Variants in PTPRD observed in about 807,000 individuals in gnomAD.
PTPRD encodes the protein protein tyrosine phosphatase receptor type D.
A neutral mutation model predicts 214.5 loss-of-function variants in PTPRD; 34 were observed. That is an observed-to-expected ratio of 0.16 (90% CI 0.12 to 0.21). The LOEUF is 0.21. PTPRD is among the 10% of genes least tolerant of loss of function. PTPRD has a pLI of 1.00. For synonymous variants in PTPRD, 1,128 were observed against 845.7 expected (o/e 1.33, Z -5.79); for missense variants, 2,545 against 2,398.7 (o/e 1.06, Z -1.27).
intron 3 of PTPRD, among the ~76,000 whole-genome samples, chr9:10,062,225 T>C (rs764415382): frequency 1.3e-5 from 2 of 152,080 alleles, no homozygotes; most frequent in African/African-American, 2.4e-5. Flanking sequence ...TTACATAAGA[T>C]GTAAGACTTT....
intron 4 of PTPRD, among the ~76,000 whole-genome samples, chr9:9,966,662 G>C (rs2094724235): frequency 6.6e-6 from 1 of 152,138 alleles, no homozygotes; most frequent in African/African-American, 2.4e-5. Context: ...CATGAATGGG[G>C]AGAAGTGGAT....
At chr9:8,582,791 A>G (rs1411630934) in intron 14 of PTPRD, among the ~76,000 whole-genome samples, 1 of 152,222 alleles carries the variant, frequency 6.6e-6, no homozygotes, top group East Asian at 1.9e-4. Flanking sequence ...GTAGAAATAT[A>G]AACTGGGACA....
At chr9:10,032,006 T>A (rs1298166983) in intron 4 of PTPRD, among the ~76,000 whole-genome samples, 1 of 152,136 alleles carries the variant, frequency 6.6e-6, no homozygotes, top group Non-Finnish European at 1.5e-5. Context: ...TAGTCTGGAA[T>A]GTCTTGAATT....
intron 2 of PTPRD, among the ~76,000 whole-genome samples, chr9:10,372,812 G>C (rs1294685530): frequency 6.9e-6 from 1 of 145,398 alleles, no homozygotes; most frequent in East Asian, 2.0e-4. Flanking sequence ...AGAACCAAAA[G>C]TATGCAAAAT....
At chr9:10,327,843 T>C (rs1391308291) in intron 3 of PTPRD, among the ~76,000 whole-genome samples, 1 of 151,756 alleles carries the variant, frequency 6.6e-6, no homozygotes, top group Admixed American at 6.6e-5. Context: ...GTCAGGGCTG[T>C]CTGGTAGTTC....
At chr9:9,627,757 A>G (rs1422270351) in intron 7 of PTPRD, among the ~76,000 whole-genome samples, 1 of 152,210 alleles carries the variant, frequency 6.6e-6, no homozygotes, top group African/African-American at 2.4e-5. Context: ...GTTCTTCCCC[A>G]ATAGTTCTGA....
intron 2 of PTPRD, among the ~76,000 whole-genome samples, chr9:10,498,139 C>T (rs1045637063): frequency 6.6e-6 from 1 of 151,862 alleles, no homozygotes; most frequent in Non-Finnish European, 1.5e-5. Context: ...TGGTTGAACT[C>T]CCTTTAGGAT....
chr9:8,834,863 A>G (rs2097379062), intron 11 of PTPRD, among the ~76,000 whole-genome samples: 1 of 152,232 alleles, frequency 6.6e-6, no homozygotes, highest in African/African-American at 2.4e-5. Flanking sequence ...TCCTATATAC[A>G]GTCAGAGCAG....
chr9:10,476,457 A>G (rs1303886799), intron 2 of PTPRD, among the ~76,000 whole-genome samples: 1 of 152,178 alleles, frequency 6.6e-6, no homozygotes, highest in Non-Finnish European at 1.5e-5. Context: ...TTCAAGGAGA[A>G]CTACAATCCA....
intron 10 of PTPRD, among the ~76,000 whole-genome samples, chr9:9,089,482 GT>G (rs2099772351): frequency 1.3e-5 from 2 of 152,116 alleles, no homozygotes; most frequent in African/African-American, 4.8e-5. Context: ...TCTGACCAAA[GT>G]TTTTCATTCA....
At chr9:10,569,226 A>T (rs1055735074) in intron 2 of PTPRD, among the ~76,000 whole-genome samples, 2 of 152,170 alleles carry the variant, frequency 1.3e-5, no homozygotes, top group African/African-American at 4.8e-5. Flanking sequence ...GTGAGATACC[A>T]TTTCACACCA....
intron 34 of PTPRD, among the ~76,000 whole-genome samples, chr9:8,446,680 A>G (rs2095741573): frequency 6.6e-6 from 1 of 152,212 alleles, no homozygotes; most frequent in African/African-American, 2.4e-5. Context: ...GGGATAAGCA[A>G]TTATACATTC....
At chr9:9,416,039 G>A (rs778868714) in intron 8 of PTPRD, among the ~76,000 whole-genome samples, 2 of 152,104 alleles carry the variant, frequency 1.3e-5, no homozygotes, top group Admixed American at 6.6e-5. Flanking sequence ...GTGCATTCTC[G>A]TCTCCTGCTT....
intron 12 of PTPRD, among the ~76,000 whole-genome samples, chr9:8,690,611 G>C (rs1029074139): frequency 7.2e-5 from 11 of 151,800 alleles, no homozygotes; most frequent in African/African-American, 2.4e-4. Context: ...AACACAATAT[G>C]TTTCTCATAA....
At chr9:8,581,560 A>G (rs187157750) in intron 14 of PTPRD, among the ~76,000 whole-genome samples, 4 of 150,044 alleles carry the variant, frequency 2.7e-5, no homozygotes, top group African/African-American at 9.8e-5. Flanking sequence ...CATTCTGGCT[A>G]ACACAGTGAA....
At chr9:9,897,530 A>T (rs1475363453) in intron 5 of PTPRD, among the ~76,000 whole-genome samples, 3 of 152,044 alleles carry the variant, frequency 2.0e-5, no homozygotes, top group Non-Finnish European at 4.4e-5. Flanking sequence ...GACTATATCT[A>T]TGTTAAAATA....
At chr9:10,185,618 G>T (rs541359621) in intron 3 of PTPRD, among the ~76,000 whole-genome samples, 1 of 152,142 alleles carries the variant, frequency 6.6e-6, no homozygotes, top group South Asian at 2.1e-4. Context: ...GCAAGACAAC[G>T]GTTAGAACAC....
intron 8 of PTPRD, among the ~76,000 whole-genome samples, chr9:9,445,539 A>G (rs907215594): frequency 6.6e-6 from 1 of 152,162 alleles, no homozygotes; most frequent in Non-Finnish European, 1.5e-5. Flanking sequence ...ACCTCAGGAA[A>G]CTTACAATCA....
At chr9:9,934,406 C>T (rs932568363) in intron 5 of PTPRD, among the ~76,000 whole-genome samples, 1 of 137,752 alleles carries the variant, frequency 7.3e-6, no homozygotes, top group African/African-American at 2.8e-5. Context: ...CGCCACCGAT[C>T]CCACAGAAAG....
Sources: gnomAD v4.1 joint callset for allele counts (sites outside exome capture counted in the v4.1 genomes callset) on GRCh38, gnomAD v4.1.1 for gene constraint, MANE v1.5 for transcripts, NCBI Gene and HGNC (gene_info 2026-07-23, HGNC 2026-07-21) for gene names.